CCDC91: variants seen among roughly 807,000 people sequenced by gnomAD.
The protein encoded by CCDC91 is coiled-coil domain containing 91.
In CCDC91, 48 loss-of-function variants were observed where a neutral mutation model predicts 63.2. That is an observed-to-expected ratio of 0.76 (90% CI 0.60 to 0.97). CCDC91 has a LOEUF of 0.97. Among genes scored for constraint, CCDC91 ranks in the 50% least tolerant of loss-of-function variants. The pLI is 0.00. For missense variants in CCDC91, 500 were observed against 494.6 expected (o/e 1.01, Z -0.10); for synonymous variants, 167 against 165.8 (o/e 1.01, Z -0.06).
chr12:28,323,196 A>G (rs1940682510), intron 6 of CCDC91, among the ~76,000 whole-genome samples: 1 of 151,396 alleles, frequency 6.6e-6, no homozygotes, highest in Non-Finnish European at 1.5e-5. Context: ...ATAATAGTAT[A>G]AGGTTAGTCT....
chr12:28,452,483 A>G lies in CCDC91; in HGVS notation c.930A>G (p.Glu310=), dbSNP rs781609506. The change falls in exon 11 of 13, where the codon GAA becomes GAG. Residue 310 remains glutamate, a synonymous_variant. Coordinates refer to ENST00000536442, the MANE Select transcript of CCDC91 (RefSeq NM_018318.5). ...KEALVSAAKL[E]KEAVKDAVLK... The stretch of plus-strand genomic sequence containing the variant: ...GGTCTTTATTTATTTTGAAGCTTGA[A>G]AAAGAAGCAGTGAAGGATGCAGTTT... The G allele has an allele frequency of 1.5e-5, 24 of 1,553,142 alleles. No individual in the cohort carries two copies. The highest frequency in any genetic ancestry group is 2.8e-5 in the African/African-American group (2 of 71,580).
chr12:28,259,357 C>G lies in CCDC91; in HGVS notation c.31-7C>G, dbSNP rs764683624. The G allele has an allele frequency of 3.7e-6, 6 of 1,607,600 alleles. No homozygotes were observed. The highest frequency in any genetic ancestry group is 5.1e-6 in the Non-Finnish European group (6 of 1,174,886). On this transcript the variant is annotated splice_polypyrimidine_tract_variant and splice_region_variant and intron_variant, in intron 2 of 12. Transcript: ENST00000536442. ...TCTTCTAAAATAATCTTGCCTTTGTCTTGTAGGCTGCGGAGACTTTTGATG... is the reference window on the plus strand; with the variant it reads ...TCTTCTAAAATAATCTTGCCTTTGTGTTGTAGGCTGCGGAGACTTTTGATG...
At chr12:28,379,407 C>G (rs1340227364) in intron 7 of CCDC91, among the ~76,000 whole-genome samples, 1 of 115,530 alleles carries the variant, frequency 8.7e-6, no homozygotes, top group Non-Finnish European at 1.7e-5. Context: ...ACCCATCTGA[C>G]AAAGGGCTAA....
chr12:28,467,824 A>G (rs1950618373), intron 11 of CCDC91, among the ~76,000 whole-genome samples: 5 of 152,098 alleles, frequency 3.3e-5, no homozygotes, highest in South Asian at 2.1e-4. Context: ...GAAACTACAC[A>G]TATACATGAA....
intron 3 of CCDC91, among the ~76,000 whole-genome samples, chr12:28,271,535 A>G (rs1168089652): frequency 6.6e-6 from 1 of 151,966 alleles, no homozygotes; most frequent in Non-Finnish European, 1.5e-5. Flanking sequence ...CGTAATTTCC[A>G]AGTATGGGGC....
chr12:28,504,866 A>G (rs1405685423), intron 12 of CCDC91, among the ~76,000 whole-genome samples: 16 of 152,006 alleles, frequency 1.1e-4, no homozygotes, highest in Admixed American at 1.1e-3. Context: ...GTAGTTATAA[A>G]TTTACCTGTA....
chr12:28,507,405 G>A (rs747333950), intron 12 of CCDC91, among the ~76,000 whole-genome samples: 2 of 151,986 alleles, frequency 1.3e-5, no homozygotes, highest in Non-Finnish European at 2.9e-5. Context: ...GATGCCAGTA[G>A]TAGCCACCCC....
intron 11 of CCDC91, among the ~76,000 whole-genome samples, chr12:28,469,302 T>G (rs1161309525): frequency 6.6e-6 from 1 of 151,780 alleles, no homozygotes. Flanking sequence ...ATGAACAATC[T>G]GAAAAAGAAA....
intron 1 of CCDC91, among the ~76,000 whole-genome samples, chr12:28,244,494 C>CTT (rs3064681): frequency 0.13 from 4,893 of 38,442 alleles, 1,271 homozygotes; most frequent in Non-Finnish European, 0.15. Context: ...TAGAAGAAGG[C>CTT]TTTTTTTTTT....
intron 7 of CCDC91, among the ~76,000 whole-genome samples, chr12:28,364,700 C>T (rs1330984568): frequency 6.7e-6 from 1 of 148,234 alleles, no homozygotes; most frequent in African/African-American, 2.5e-5. Flanking sequence ...TACTTGCTAT[C>T]TAGAAAAAGA....
At chr12:28,285,606 T>C (rs1187355429) in intron 3 of CCDC91, among the ~76,000 whole-genome samples, 2 of 143,316 alleles carry the variant, frequency 1.4e-5, no homozygotes, top group East Asian at 4.6e-4. Context: ...AAATTTAAAA[T>C]GTTGGCTTAA....
At chr12:28,307,907 C>A (rs1312132874) in intron 6 of CCDC91, among the ~76,000 whole-genome samples, 158 bp downstream of exon 6, 2 of 151,874 alleles carry the variant, frequency 1.3e-5, no homozygotes, top group Non-Finnish European at 1.5e-5. Flanking sequence ...TGGGAAGACA[C>A]CCATTTTGAA....
intron 8 of CCDC91, among the ~76,000 whole-genome samples, chr12:28,434,594 GT>G (rs376645678): frequency 0.14 from 10,400 of 73,236 alleles, 133 homozygotes; most frequent in Non-Finnish European, 0.18. Context: ...CCTTGGTCTG[GT>G]TTTTTTTTTT....
chr12:28,383,362 G>A (rs1945409527), intron 7 of CCDC91, among the ~76,000 whole-genome samples: 1 of 152,136 alleles, frequency 6.6e-6, no homozygotes, highest in South Asian at 2.1e-4. Flanking sequence ...ATCTGTAACA[G>A]GATAAATTTT....
intron 3 of CCDC91, among the ~76,000 whole-genome samples, chr12:28,265,877 T>C (rs1947151810): frequency 6.6e-6 from 1 of 152,070 alleles, no homozygotes; most frequent in Admixed American, 6.6e-5. Flanking sequence ...TTAAAAACTT[T>C]CCGTCTGTCT....
At chr12:28,475,461 G>A (rs1376316921) in intron 11 of CCDC91, among the ~76,000 whole-genome samples, 1 of 152,064 alleles carries the variant, frequency 6.6e-6, no homozygotes, top group African/African-American at 2.4e-5. Flanking sequence ...AAAATTTTTA[G>A]AGGATTAAGA....
intron 12 of CCDC91, among the ~76,000 whole-genome samples, chr12:28,493,024 T>C (rs1359003173): frequency 6.6e-6 from 1 of 151,714 alleles, no homozygotes; most frequent in African/African-American, 2.4e-5. Flanking sequence ...TTAAGTTGTT[T>C]AAGTAAAATG....
chr12:28,491,224 C>A (rs1472748095), intron 12 of CCDC91, among the ~76,000 whole-genome samples: 2 of 151,420 alleles, frequency 1.3e-5, no homozygotes, highest in Admixed American at 1.3e-4. Context: ...GTAATCACTT[C>A]TTGAATTACT....
At chr12:28,526,769 TC>T (rs1255840826) in intron 12 of CCDC91, among the ~76,000 whole-genome samples, 5 of 152,104 alleles carry the variant, frequency 3.3e-5, no homozygotes, top group African/African-American at 1.2e-4. Flanking sequence ...TTTAACATAA[TC>T]CCAGACTTCT....
Sources: gnomAD v4.1 joint callset for allele counts (sites outside exome capture counted in the v4.1 genomes callset) on GRCh38, gnomAD v4.1.1 for gene constraint, MANE v1.5 for transcripts, NCBI Gene and HGNC (gene_info 2026-07-23, HGNC 2026-07-21) for gene names.